NPAS3: variants seen among roughly 807,000 people sequenced by gnomAD.
NPAS3 encodes the protein neuronal PAS domain-containing protein 3.
In NPAS3, 14 loss-of-function variants were observed where a neutral mutation model predicts 73.1. The ratio of observed to expected loss-of-function variants is 0.19; its 90% CI spans 0.13 to 0.30. NPAS3 has a LOEUF of 0.30. NPAS3 is among the 10% of genes least tolerant of loss of function. The pLI, the probability that NPAS3 is intolerant of heterozygous loss-of-function variation, is 1.00. For missense variants in NPAS3, 1,096 were observed against 1,250.0 expected (o/e 0.88, Z 1.86); for synonymous variants, 620 against 541.5 (o/e 1.14, Z -2.01).
At chr14:32,949,110 C>A (rs3946023) in intron 1 of NPAS3, among the ~76,000 whole-genome samples, 14 of 151,846 alleles carry the variant, frequency 9.2e-5, no homozygotes, top group Admixed American at 1.3e-4. Flanking sequence ...TCTGTATTTT[C>A]TAAGTACATG....
intron 2 of NPAS3, among the ~76,000 whole-genome samples, chr14:33,130,659 T>C (rs1056873924): frequency 3.9e-5 from 6 of 152,288 alleles, no homozygotes; most frequent in African/African-American, 1.4e-4. Flanking sequence ...GAAATGCAAT[T>C]ATTTTCTTAT....
intron 4 of NPAS3, among the ~76,000 whole-genome samples, chr14:33,515,423 A>G (rs555226241): frequency 1.1e-4 from 16 of 152,134 alleles, no homozygotes; most frequent in African/African-American, 3.1e-4. Context: ...TATTAATGAG[A>G]CTTCTCTTAG....
In NPAS3 at chr14:33,800,487, G is replaced by A; in HGVS notation, c.2180G>A (p.Arg727His). ...CCCGGCGCCGACGGCGCGGCCGCCC[G>A]CAAGACTCAGTTCGGCGCCTCGGCC... The change falls in exon 12 of 12, where the codon CGC becomes CAC. Residue 727 changes from arginine (R) to histidine (H), a missense_variant. By Grantham distance (29) the Arg-to-His change is conservative. Transcript: ENST00000356141. This position sits in a 1 kb window ranked among gnomAD's most constrained non-coding sequence, Gnocchi z 6.5. 1 of 1,477,226 alleles carries A rather than the reference G, an allele frequency of 6.8e-7. No individual in the cohort carries two copies. Among genetic ancestry groups the A allele is most frequent in the Non-Finnish European group, 8.9e-7 (1 of 1,120,626 alleles). 91.5% of individuals were successfully genotyped at this position (1,477,226 alleles called of 1,614,324 possible).
In NPAS3 at chr14:33,713,492, G is replaced by A. The variant is rs545301839; in HGVS notation, c.734-21722G>A. 3.9e-5 allele frequency among the ~76,000 whole-genome samples: 6 copies of A among 152,330 alleles called. No homozygotes were observed. The East Asian group carries it at 5.8e-4, about 15-fold the overall frequency. The stretch of plus-strand genomic sequence containing the variant: ...TGGCAGACTTCCCTAACTTCTCATG[G>A]TAGAATTGCATCAGTGCCTATGCAG... On this transcript the variant is annotated intron_variant, in intron 6 of 11. Coordinates refer to ENST00000356141, the Ensembl canonical transcript of NPAS3.
intron 2 of NPAS3, among the ~76,000 whole-genome samples, chr14:33,197,545 C>T (rs746921929): frequency 6.6e-6 from 1 of 151,840 alleles, no homozygotes; most frequent in South Asian, 2.1e-4. Flanking sequence ...GAGAAGGCCA[C>T]AGATGCTCCT....
At chr14:33,397,342 TG>T (rs1429591230) in intron 4 of NPAS3, among the ~76,000 whole-genome samples, 1 of 152,140 alleles carries the variant, frequency 6.6e-6, no homozygotes, top group African/African-American at 2.4e-5. Context: ...TCATTTGTTC[TG>T]TGTTGATAAT....
chr14:33,716,387 T>G (rs111273645), intron 6 of NPAS3, among the ~76,000 whole-genome samples: 3,113 of 152,328 alleles, frequency 0.02, 37 homozygotes, highest in Non-Finnish European at 0.034. Context: ...TACTTTTGCT[T>G]TTATTTTCTT....
intron 6 of NPAS3, among the ~76,000 whole-genome samples, chr14:33,690,904 A>G (rs1350164998): frequency 6.7e-6 from 1 of 149,864 alleles, no homozygotes; most frequent in Non-Finnish European, 1.5e-5. Flanking sequence ...CGTTAAGCCT[A>G]TGGTGCTTTC....
At chr14:33,530,422 G>A (rs1038289996) in intron 4 of NPAS3, among the ~76,000 whole-genome samples, 6 of 152,252 alleles carry the variant, frequency 3.9e-5, no homozygotes, top group Non-Finnish European at 8.8e-5. Context: ...TTAGAGTATC[G>A]TGGTCAGGCC....
intron 2 of NPAS3, among the ~76,000 whole-genome samples, chr14:33,158,612 T>C (rs1480145416): frequency 6.6e-6 from 1 of 151,956 alleles, no homozygotes; most frequent in Non-Finnish European, 1.5e-5. Flanking sequence ...AGAGAGGGTG[T>C]TCATGGAAGG....
intron 1 of NPAS3, among the ~76,000 whole-genome samples, chr14:32,998,955 C>G (rs998030604): frequency 6.6e-6 from 1 of 152,142 alleles, no homozygotes; most frequent in Admixed American, 6.5e-5. Context: ...GTGGCCCTGC[C>G]TCTTCCCATC....
At chr14:33,794,147 A>G (rs1292106077) in intron 10 of NPAS3, 103 bp downstream of exon 10, 1 of 1,024,178 alleles carries the variant, frequency 9.8e-7, no homozygotes, top group Non-Finnish European at 1.5e-6. Flanking sequence ...TTATCTTTTG[A>G]CAGTACCTGG....
intron 3 of NPAS3, among the ~76,000 whole-genome samples, chr14:33,241,364 C>T (rs1452015346): frequency 1.3e-5 from 2 of 151,938 alleles, no homozygotes; most frequent in East Asian, 3.8e-4. Flanking sequence ...GGGAGCGCAT[C>T]AAAGGTGTTT....
intron 2 of NPAS3, among the ~76,000 whole-genome samples, chr14:33,111,578 ATG>A (rs2042893520): frequency 1.3e-5 from 2 of 151,932 alleles, no homozygotes; most frequent in Admixed American, 1.3e-4. Flanking sequence ...AATAAAAGAG[ATG>A]TGTTAGTTTG....
At chr14:33,415,031 A>T (rs969805606) in intron 4 of NPAS3, among the ~76,000 whole-genome samples, 4 of 152,106 alleles carry the variant, frequency 2.6e-5, no homozygotes, top group Non-Finnish European at 5.9e-5. Context: ...AAACACCCAC[A>T]TTTCATCACA....
rs200851019 is a variant in NPAS3 at position 33,647,809 on chromosome 14, C to T, written c.559-28402C>T. ...ATATAGTTGGTTTCAGCTGCTTTTTCCTTCCATTGATAATATTTTTAATTC... is the reference window on the plus strand; with the variant it reads ...ATATAGTTGGTTTCAGCTGCTTTTTTCTTCCATTGATAATATTTTTAATTC... On this transcript the variant is annotated intron_variant, in intron 5 of 11. Transcript: ENST00000356141. Among the ~76,000 whole-genome samples, 32 of 152,148 alleles carry T rather than the reference C, an allele frequency of 2.1e-4. 1 individual carries two copies. In the East Asian group the frequency reaches 6.0e-3, roughly 29 times the overall value.
chr14:33,181,963 T>G (rs543232589), intron 2 of NPAS3, among the ~76,000 whole-genome samples: 10 of 152,184 alleles, frequency 6.6e-5, no homozygotes, highest in Non-Finnish European at 1.5e-4. Context: ...TCTCCTTGTT[T>G]CTCCGTGGTT....
At chr14:33,606,001 G>A (rs754566884) in intron 5 of NPAS3, among the ~76,000 whole-genome samples, 7 of 152,086 alleles carry the variant, frequency 4.6e-5, no homozygotes, top group Non-Finnish European at 7.4e-5. Context: ...AAGACAGCGT[G>A]ATATTGGCAT....
intron 2 of NPAS3, among the ~76,000 whole-genome samples, chr14:33,142,119 C>T (rs1352020994): frequency 7.0e-6 from 1 of 142,062 alleles, no homozygotes; most frequent in Non-Finnish European, 1.5e-5. Context: ...AAGGCTGTAA[C>T]ATTTTTAGCC....
Sources: allele counts gnomAD v4.1 joint callset (sites outside exome capture counted in the v4.1 genomes callset), GRCh38; gene constraint gnomAD v4.1.1; non-coding constraint Gnocchi (gnomAD v3.1); transcripts MANE v1.5; gene names NCBI Gene and HGNC (gene_info 2026-07-23, HGNC 2026-07-21).